HSD17B2: variants seen among roughly 807,000 people sequenced by gnomAD.
HSD17B2 encodes 17-beta-hydroxysteroid dehydrogenase type 2.
In HSD17B2, 32 loss-of-function variants were observed where a neutral mutation model predicts 26.9. The ratio of observed to expected loss-of-function variants is 1.19; its 90% CI spans 0.90 to 1.60. The LOEUF (loss-of-function observed/expected upper bound fraction) is 1.60. HSD17B2 is among the 40% of genes most tolerant of loss of function. HSD17B2 has a pLI of 0.00. For synonymous variants in HSD17B2, 246 were observed against 186.7 expected (o/e 1.32, Z -2.59); for missense variants, 613 against 468.6 (o/e 1.31, Z -2.85).
chr16:82,090,302 G>GTTTTTTTTTTTTTTT lies in HSD17B2; in HGVS notation c.665-580_665-566dup, dbSNP rs35272646. Reference sequence around the variant, plus strand: ...CTCTTCATCTTACCTAAACTACATTGTTTTTTTTTTTTTTTTTTTTTTTTT... The same window carrying GTTTTTTTTTTTTTTT: ...CTCTTCATCTTACCTAAACTACATTGTTTTTTTTTTTTTTTTTTTTTTTTTTTTTTTTTTTTTTTT... On this transcript the variant is annotated intron_variant, in intron 3 of 4. Coordinates refer to ENST00000199936, the MANE Select transcript of HSD17B2 (RefSeq NM_002153.3). 10 of 40,086 alleles carry GTTTTTTTTTTTTTTT rather than the reference G, an allele frequency of 2.5e-4. 3 individuals are homozygous for GTTTTTTTTTTTTTTT. Among genetic ancestry groups the GTTTTTTTTTTTTTTT allele is most frequent in the African/African-American group, 1.0e-3 (9 of 8,592 alleles). The allele number at this position is 40,086 out of a possible 1,614,324, so 2.5% of individuals were successfully genotyped here. A position where few individuals can be genotyped will look rare whatever the true frequency, so the allele number is the denominator to read the frequency against.
chr16:82,047,499 G>T (rs116579345), intron 1 of HSD17B2, among the ~76,000 whole-genome samples: 17 of 152,302 alleles, frequency 1.1e-4, no homozygotes, highest in African/African-American at 4.1e-4. Context: ...GAATCAACTT[G>T]CAGTATAGAG....
chr16:82,061,676 C>G (rs573830090), intron 1 of HSD17B2, among the ~76,000 whole-genome samples: 4 of 151,940 alleles, frequency 2.6e-5, no homozygotes, highest in Non-Finnish European at 4.4e-5. Context: ...TGTTAAAGAA[C>G]GATATGTAGG....
intron 1 of HSD17B2, among the ~76,000 whole-genome samples, chr16:82,066,680 T>G (rs1914580042): frequency 6.6e-6 from 1 of 152,026 alleles, no homozygotes; most frequent in African/African-American, 2.4e-5. Context: ...TTTCCACACC[T>G]CGCTATTTAT....
At chr16:82,036,460 AT>A (rs1913628905) in intron 1 of HSD17B2, among the ~76,000 whole-genome samples, 1 of 151,620 alleles carries the variant, frequency 6.6e-6, no homozygotes, top group African/African-American at 2.4e-5. Flanking sequence ...TGTAATTAGG[AT>A]TATCCAGCGT....
intron 3 of HSD17B2, chr16:82,090,174 TG>T (rs1904642544): frequency 1.0e-6 from 1 of 960,536 alleles, no homozygotes; most frequent in Non-Finnish European, 1.2e-6. Flanking sequence ...GGTGCTGTAG[TG>T]GGTTGAATAG....
chr16:82,076,518 T>C (rs1373030388), intron 3 of HSD17B2, among the ~76,000 whole-genome samples: 1 of 152,212 alleles, frequency 6.6e-6, no homozygotes, highest in Non-Finnish European at 1.5e-5. Context: ...CAATTAAAAC[T>C]GATAAACAAA....
intron 1 of HSD17B2, among the ~76,000 whole-genome samples, chr16:82,057,378 T>C (rs529549871): frequency 2.0e-5 from 3 of 152,256 alleles, no homozygotes; most frequent in South Asian, 4.1e-4. Context: ...TTTGTATTTT[T>C]AGTAGAGACG....
chr16:82,097,350 T>TACATACACAC (rs1904878467), intron 4 of HSD17B2: 1 of 101,716 alleles, frequency 9.8e-6, no homozygotes, highest in African/African-American at 3.0e-5. Flanking sequence ...TATATATGTG[T>TACATACACAC]ACACACACAC....
intron 4 of HSD17B2, chr16:82,095,945 C>G (rs896952167): frequency 2.6e-5 from 4 of 152,050 alleles, no homozygotes; most frequent in African/African-American, 4.8e-5. Flanking sequence ...TGTTAGTTAC[C>G]TTAGAGGAGA....
intron 2 of HSD17B2, among the ~76,000 whole-genome samples, chr16:82,069,117 A>C (rs1020090435): frequency 3.3e-5 from 5 of 152,064 alleles, no homozygotes; most frequent in African/African-American, 1.2e-4. Context: ...CCATGCGTCC[A>C]TGTGTTCTCA....
At chr16:82,084,215 A>G (rs1006578717) in intron 3 of HSD17B2, among the ~76,000 whole-genome samples, 1 of 152,070 alleles carries the variant, frequency 6.6e-6, no homozygotes, top group East Asian at 1.9e-4. Context: ...ATATTTCTCA[A>G]CCTTGGCACT....
Position 82,098,380 on chromosome 16 carries a change from G to C in HSD17B2, c.1108G>C (p.Asp370His), listed in dbSNP as rs777654582. 9 of 1,613,972 alleles carry C rather than the reference G, an allele frequency of 5.6e-6. No individual in the cohort carries two copies. Among genetic ancestry groups the C allele is most frequent in the Admixed American group, 3.3e-5 (2 of 60,006 alleles). ...DYFAKRHFGQ[D>H]KPMPRALRMP... ...CTTTGCTAAAAGACATTTTGGCCAAGACAAGCCCATGCCCAGAGCTCTAAG... is the reference window on the plus strand; with the variant it reads ...CTTTGCTAAAAGACATTTTGGCCAACACAAGCCCATGCCCAGAGCTCTAAG... The change falls in exon 5 of 5, where the codon GAC (aspartate) becomes CAC (histidine). Residue 370 changes from aspartate (D) to histidine (H), a missense_variant. Transcript: ENST00000199936.
intron 3 of HSD17B2, among the ~76,000 whole-genome samples, chr16:82,080,525 G>T (rs1006428867): frequency 6.6e-5 from 10 of 152,150 alleles, no homozygotes; most frequent in African/African-American, 2.4e-4. Flanking sequence ...CTCCCCTAGA[G>T]CCTCCAGAAG....
intron 3 of HSD17B2, among the ~76,000 whole-genome samples, chr16:82,081,119 G>C (rs980425566): frequency 8.6e-5 from 13 of 151,928 alleles, no homozygotes; most frequent in Non-Finnish European, 1.6e-4. Flanking sequence ...TCTACTCTTA[G>C]CTGCTCAATA....
At chr16:82,051,854 A>C (rs1230352987) in intron 1 of HSD17B2, among the ~76,000 whole-genome samples, 1 of 152,202 alleles carries the variant, frequency 6.6e-6, no homozygotes, top group Non-Finnish European at 1.5e-5. Context: ...TCAGATTACT[A>C]ATCTGTAAAA....
intron 1 of HSD17B2, among the ~76,000 whole-genome samples, chr16:82,045,442 C>G (rs1181317536): frequency 6.6e-6 from 1 of 152,228 alleles, no homozygotes; most frequent in African/African-American, 2.4e-5. Flanking sequence ...GATATCTCTT[C>G]TAAGTATTAA....
intron 1 of HSD17B2, among the ~76,000 whole-genome samples, chr16:82,055,533 G>C (rs980819458): frequency 1.3e-5 from 2 of 152,184 alleles, no homozygotes; most frequent in Non-Finnish European, 2.9e-5. Flanking sequence ...GGAACACACA[G>C]GATGGAGTAA....
At chr16:82,079,389 C>A (rs78851864) in intron 3 of HSD17B2, among the ~76,000 whole-genome samples, 3 of 152,140 alleles carry the variant, frequency 2.0e-5, no homozygotes, top group East Asian at 3.8e-4. Flanking sequence ...AGATGACTAC[C>A]TTTTTGCTGT....
Position 82,051,081 on chromosome 16 carries a change from G to A in HSD17B2, c.265+15392G>A, listed in dbSNP as rs1388052963. 3.9e-5 allele frequency among the ~76,000 whole-genome samples: 6 copies of A among 152,068 alleles called. 1 individual carries two copies. The highest frequency in any genetic ancestry group is 3.9e-4 in the Admixed American group (6 of 15,262). ...CTGTTCTCCAGGCTTTAAGTCTCCA[G>A]GTGTATTTCTCAATCTTCATATCCT... On this transcript the variant is annotated intron_variant, in intron 1 of 4. Transcript: ENST00000199936.
Sources: allele counts gnomAD v4.1 joint callset (sites outside exome capture counted in the v4.1 genomes callset), GRCh38; gene constraint gnomAD v4.1.1; transcripts MANE v1.5; gene names NCBI Gene and HGNC (gene_info 2026-07-23, HGNC 2026-07-21).